The following SEMA3A variants were observed in gnomAD, a reference collection of about 807,000 sequenced individuals.
SEMA3A encodes semaphorin 3A.
Under a neutral mutation model 97.9 loss-of-function variants are expected in SEMA3A, and 29 were observed. The observed-to-expected ratio is 0.30, with a 90% confidence interval of 0.22 to 0.40. SEMA3A has a LOEUF of 0.40. Ranked by LOEUF, SEMA3A falls within the 10% of genes least tolerant of loss-of-function variation. The probability of loss-of-function intolerance (pLI) is 1.00; values close to 1 mark genes in which losing one functional copy is unlikely to be tolerated. For missense variants in SEMA3A, 763 were observed against 951.3 expected (o/e 0.80, Z 2.60); for synonymous variants, 321 against 323.7 (o/e 0.99, Z 0.09).
chr7:84,291,531 CTG>C (rs1205295321), intron 3 of SEMA3A, among the ~76,000 whole-genome samples: 1 of 151,588 alleles, frequency 6.6e-6, no homozygotes, highest in African/African-American at 2.4e-5. Flanking sequence ...TTACGTAATG[CTG>C]TCTCTTCCAT....
chr7:83,991,256 C>T (rs567546156), intron 12 of SEMA3A, among the ~76,000 whole-genome samples: 97 of 152,146 alleles, frequency 6.4e-4, no homozygotes, highest in African/African-American at 2.3e-3. Flanking sequence ...ACGATCATGT[C>T]GTCTGCAAAC....
upstream of SEMA3A, among the ~76,000 whole-genome samples, chr7:84,196,805 T>C (rs1798243254): frequency 6.6e-6 from 1 of 152,116 alleles, no homozygotes; most frequent in Non-Finnish European, 1.5e-5. Flanking sequence ...CACATATAAT[T>C]AGTTTAAATG....
At chr7:84,211,000 A>G (rs1405738347) in intron 3 of SEMA3A, among the ~76,000 whole-genome samples, 1 of 152,138 alleles carries the variant, frequency 6.6e-6, no homozygotes, top group Non-Finnish European at 1.5e-5. Context: ...CAGAACAAAA[A>G]CTTTTTGTTC....
chr7:84,110,343 T>A (rs1025481249), intron 4 of SEMA3A, 127 bp downstream of exon 4: 8 of 966,414 alleles, frequency 8.3e-6, no homozygotes, highest in African/African-American at 1.6e-5. Flanking sequence ...AATAACAGCA[T>A]CTGAGTTTGA....
chr7:84,429,788 A>T (rs2116316028), intron 1 of SEMA3A, among the ~76,000 whole-genome samples: 1 of 151,580 alleles, frequency 6.6e-6, no homozygotes, highest in East Asian at 2.0e-4. Context: ...TAGACGGTGT[A>T]AATACTTACA....
chr7:84,038,859 A>T (rs1196424472), intron 6 of SEMA3A, among the ~76,000 whole-genome samples: 1 of 152,176 alleles, frequency 6.6e-6, no homozygotes, highest in Non-Finnish European at 1.5e-5. Context: ...ATTGTTTATA[A>T]TTTCATTGTT....
chr7:84,439,144 T>C (rs1208625930), intron 1 of SEMA3A, among the ~76,000 whole-genome samples: 1 of 151,760 alleles, frequency 6.6e-6, no homozygotes, highest in East Asian at 1.9e-4. Context: ...CTTCTTGGGG[T>C]GTTGTGATTT....
chr7:84,053,983 G>A (rs1256452333), intron 5 of SEMA3A, among the ~76,000 whole-genome samples: 7 of 151,134 alleles, frequency 4.6e-5, no homozygotes, highest in Non-Finnish European at 1.0e-4. Context: ...GCTTAGTTTG[G>A]ATGGATATGA....
At chr7:84,316,130 C>CAAAAAAAAAAAAAAA (rs202005657) in intron 2 of SEMA3A, among the ~76,000 whole-genome samples, 1 of 30,226 alleles carries the variant, frequency 3.3e-5, no homozygotes, top group Non-Finnish European at 7.4e-5. Context: ...GACTCTATCT[C>CAAAAAAAAAAAAAAA]AAAAAAAAAA....
At chr7:84,023,467 G>A (rs1268245204) in intron 6 of SEMA3A, among the ~76,000 whole-genome samples, 2 of 152,124 alleles carry the variant, frequency 1.3e-5, no homozygotes, top group Non-Finnish European at 2.9e-5. Context: ...GGTTTTCTAG[G>A]ACACAAATTA....
At chr7:84,175,298 A>G (rs1797528284) in intron 1 of SEMA3A, among the ~76,000 whole-genome samples, 1 of 152,222 alleles carries the variant, frequency 6.6e-6, no homozygotes, top group Non-Finnish European at 1.5e-5. Context: ...TATCCATTAA[A>G]TGGGAATTAT....
At chr7:84,233,913 T>A (rs1799173256) in intron 3 of SEMA3A, among the ~76,000 whole-genome samples, 1 of 151,842 alleles carries the variant, frequency 6.6e-6, no homozygotes, top group Non-Finnish European at 1.5e-5. Flanking sequence ...CTGAGATAAA[T>A]GGAATTAATA....
chr7:84,464,141 G>T lies in SEMA3A; in HGVS notation c.-246+28319C>A, dbSNP rs188589701. 3.7e-3 allele frequency among the ~76,000 whole-genome samples: 560 copies of T among 152,246 alleles called. 1 individual carries two copies. The highest frequency in any genetic ancestry group is 0.011 in the African/African-American group (446 of 41,552). On this transcript the variant is annotated intron_variant, in intron 1 of 3. Coordinates refer to the SEMA3A transcript ENST00000424555. ...TTAAGCTCAGGAGAGACAGAAAACA[G>T]AAATTAACACAAATAACAGTTTTCC...
Position 84,099,309 on chromosome 7 carries a change from A to T in SEMA3A, c.453+11161T>A. ...ATGGTCTCGATCTCCTGACCTCGTG[A>T]TCCGCCCGCCTCGGCCTCCCAAAGT... On this transcript the variant is annotated intron_variant, in intron 4 of 16. Coordinates refer to ENST00000265362, the MANE Select transcript of SEMA3A (RefSeq NM_006080.3). Among the ~76,000 whole-genome samples the T allele has an allele frequency of 7.2e-5, 4 of 55,274 alleles. 2 individuals are homozygous for T. The highest frequency in any genetic ancestry group is 2.5e-4 in the Non-Finnish European group (4 of 15,980). The allele number at this position is 55,274 out of a possible 152,430, so 36.3% of individuals were successfully genotyped here.
chr7:84,316,287 A>G lies in SEMA3A; in HGVS notation c.-168-8995T>C, dbSNP rs187433876. On this transcript the variant is annotated intron_variant, in intron 2 of 3. Coordinates refer to the SEMA3A transcript ENST00000424555. ...GTTAATTTATTATGTATAATTTTTA[A>G]GTTGCAGTATAATTATTGTAACCAA... Among the ~76,000 whole-genome samples, 458 of 152,118 alleles carry G rather than the reference A, an allele frequency of 3.0e-3. 2 individuals are homozygous for G. Among genetic ancestry groups the G allele is most frequent in the African/African-American group, 0.01 (416 of 41,560 alleles).
At chr7:84,184,102 A>G (rs36005262) in intron 1 of SEMA3A, among the ~76,000 whole-genome samples, 9,650 of 152,230 alleles carry the variant, frequency 0.063, 355 homozygotes, top group African/African-American at 0.094. Context: ...CAGTCAGATA[A>G]GTATTAATTT....
At chr7:84,049,826 C>T (rs947952456) in intron 5 of SEMA3A, among the ~76,000 whole-genome samples, 2 of 149,730 alleles carry the variant, frequency 1.3e-5, no homozygotes, top group African/African-American at 4.9e-5. Context: ...AACTCATCAT[C>T]TAGCATTAGG....
chr7:84,039,929 C>T (rs1189891587), intron 6 of SEMA3A, among the ~76,000 whole-genome samples: 1 of 151,924 alleles, frequency 6.6e-6, no homozygotes, highest in African/African-American at 2.4e-5. Flanking sequence ...CATAAGTCAA[C>T]ATTTCCCTCT....
intron 3 of SEMA3A, among the ~76,000 whole-genome samples, chr7:84,294,947 G>A (rs929537237): frequency 1.3e-5 from 2 of 152,094 alleles, no homozygotes; most frequent in Non-Finnish European, 2.9e-5. Context: ...AAATCTGTCA[G>A]TGGAGAATGC....
Sources: gnomAD v4.1 joint callset for allele counts (sites outside exome capture counted in the v4.1 genomes callset) on GRCh38, gnomAD v4.1.1 for gene constraint, MANE v1.5 for transcripts, NCBI Gene and HGNC (gene_info 2026-07-23, HGNC 2026-07-21) for gene names.